ADAMTSL1: variants seen among roughly 807,000 people sequenced by gnomAD.
ADAMTSL1 encodes ADAMTS like 1.
In ADAMTSL1, 126 loss-of-function variants were observed where a neutral mutation model predicts 201.8. The observed-to-expected ratio is 0.62, with a 90% confidence interval of 0.54 to 0.72. ADAMTSL1 has a LOEUF of 0.72. Ranked by LOEUF, ADAMTSL1 falls within the 30% of genes least tolerant of loss-of-function variation. The pLI, the probability that ADAMTSL1 is intolerant of heterozygous loss-of-function variation, is 0.00. For synonymous variants in ADAMTSL1, 1,121 were observed against 903.4 expected (o/e 1.24, Z -4.32); for missense variants, 2,679 against 2,277.8 (o/e 1.18, Z -3.59).
chr9:18,879,095 T>C (rs1273810355), intron 23 of ADAMTSL1, among the ~76,000 whole-genome samples: 2 of 152,200 alleles, frequency 1.3e-5, no homozygotes, highest in East Asian at 3.8e-4. Flanking sequence ...TTTCACTATA[T>C]GTCAACCCAA....
intron 2 of ADAMTSL1, among the ~76,000 whole-genome samples, chr9:18,402,265 A>T (rs988145155): frequency 2.0e-5 from 3 of 152,226 alleles, no homozygotes; most frequent in Admixed American, 1.3e-4. Context: ...TTTAAGCCTG[A>T]CTTGTACTTT....
chr9:18,105,192 G>A (rs1249359581), intron 1 of ADAMTSL1, among the ~76,000 whole-genome samples: 1 of 152,158 alleles, frequency 6.6e-6, no homozygotes, highest in Non-Finnish European at 1.5e-5. Context: ...CAAGCGAACT[G>A]GAATATGTGC....
intron 1 of ADAMTSL1, among the ~76,000 whole-genome samples, chr9:18,160,035 G>C (rs911079780): frequency 6.6e-6 from 1 of 151,886 alleles, no homozygotes; most frequent in Non-Finnish European, 1.5e-5. Context: ...CTAGATGATT[G>C]ATCAATCAGT....
chr9:18,168,488 G>A (rs1336289469), intron 2 of ADAMTSL1, among the ~76,000 whole-genome samples: 1 of 151,898 alleles, frequency 6.6e-6, no homozygotes, highest in Admixed American at 6.6e-5. Context: ...GTATTCCATG[G>A]TATATATGTG....
At chr9:17,931,052 C>A (rs1479231263) in intron 1 of ADAMTSL1, among the ~76,000 whole-genome samples, 1 of 152,162 alleles carries the variant, frequency 6.6e-6, no homozygotes, top group Non-Finnish European at 1.5e-5. Flanking sequence ...AAAACCAGTT[C>A]TCCATCTCAT....
chr9:17,940,808 C>CA (rs1271293535), intron 1 of ADAMTSL1, among the ~76,000 whole-genome samples: 1 of 63,928 alleles, frequency 1.6e-5, no homozygotes, highest in Admixed American at 1.8e-4. Flanking sequence ...TAACACCCCC[C>CA]CCCCAAAAAA....
chr9:18,554,830 C>T (rs1587546487), intron 3 of ADAMTSL1, among the ~76,000 whole-genome samples: 3 of 151,786 alleles, frequency 2.0e-5, no homozygotes, highest in African/African-American at 7.2e-5. Context: ...TGTCCTGTCC[C>T]AGAGTGGTAC....
At chr9:18,795,138 G>T (rs1250669108) in intron 19 of ADAMTSL1, among the ~76,000 whole-genome samples, 1 of 152,182 alleles carries the variant, frequency 6.6e-6, no homozygotes, top group Non-Finnish European at 1.5e-5. Context: ...GTCTGGTCCA[G>T]CTGGTAGCAT....
At chr9:18,566,306 C>T (rs768399632) in intron 3 of ADAMTSL1, among the ~76,000 whole-genome samples, 12 of 152,144 alleles carry the variant, frequency 7.9e-5, no homozygotes, top group African/African-American at 1.9e-4. Flanking sequence ...AACAAATATT[C>T]GAGTACCTGG....
chr9:18,106,492 T>C (rs1824768120), intron 1 of ADAMTSL1, among the ~76,000 whole-genome samples: 1 of 152,160 alleles, frequency 6.6e-6, no homozygotes, highest in African/African-American at 2.4e-5. Context: ...ACATTTATTG[T>C]GTTAAGGAAA....
At chr9:18,890,385 TCA>T (rs1176516525) in intron 25 of ADAMTSL1, among the ~76,000 whole-genome samples, 1 of 152,170 alleles carries the variant, frequency 6.6e-6, no homozygotes, top group African/African-American at 2.4e-5. Flanking sequence ...CCTGTGCACC[TCA>T]TCCTCTGTCC....
chr9:18,416,279 G>A (rs540206411), intron 2 of ADAMTSL1, among the ~76,000 whole-genome samples: 57 of 151,912 alleles, frequency 3.8e-4, no homozygotes, highest in Non-Finnish European at 7.1e-4. Context: ...ACTTGAAAAC[G>A]GACTATGGTA....
chr9:18,673,734 G>C (rs561746969), intron 9 of ADAMTSL1, among the ~76,000 whole-genome samples: 3 of 152,232 alleles, frequency 2.0e-5, no homozygotes, highest in South Asian at 4.1e-4. Context: ...TTTTTCAGGA[G>C]AGAAGGCAAT....
At chr9:18,476,293 T>C (rs915543833) in intron 1 of ADAMTSL1, among the ~76,000 whole-genome samples, 1 of 152,066 alleles carries the variant, frequency 6.6e-6, no homozygotes, top group African/African-American at 2.4e-5. Flanking sequence ...TTTAAACCCG[T>C]TTTTTCAGGC....
At chr9:18,037,625 G>A (rs1821256880) in intron 1 of ADAMTSL1, among the ~76,000 whole-genome samples, 1 of 152,090 alleles carries the variant, frequency 6.6e-6, no homozygotes, top group Non-Finnish European at 1.5e-5. Flanking sequence ...TTCTAAAGAT[G>A]TTTTTTGTAT....
intron 5 of ADAMTSL1, among the ~76,000 whole-genome samples, chr9:18,626,180 G>A (rs1826348583): frequency 6.6e-6 from 1 of 152,166 alleles, no homozygotes; most frequent in African/African-American, 2.4e-5. Flanking sequence ...ATATGCTGAG[G>A]AACTGTTCTA....
rs148887556 is a variant in ADAMTSL1, at chr9:18,526,515, C to T, written c.192-6732C>T. On this transcript the variant is annotated intron_variant, in intron 2 of 28. Transcript: ENST00000380548. Reference sequence around the variant, plus strand: ...GCTGGTTATTTTGCTCATTAGTTGACGCAGTTTCTTCCCAGCATCAATGGT... The same window carrying T: ...GCTGGTTATTTTGCTCATTAGTTGATGCAGTTTCTTCCCAGCATCAATGGT... Among the ~76,000 whole-genome samples the T allele has an allele frequency of 6.4e-4, 98 of 152,252 alleles. No individual in the cohort carries two copies. The East Asian group carries it at 0.012, about 18-fold the overall frequency.
intron 2 of ADAMTSL1, among the ~76,000 whole-genome samples, chr9:18,428,446 AAAAAG>A (rs1819330115): frequency 2.7e-5 from 4 of 150,822 alleles, no homozygotes; most frequent in Admixed American, 2.0e-4. Flanking sequence ...AAAAAAAAAA[AAAAAG>A]AAAAGAAAAG....
intron 4 of ADAMTSL1, among the ~76,000 whole-genome samples, chr9:18,601,076 T>C (rs998783543): frequency 1.5e-4 from 23 of 152,172 alleles, no homozygotes; most frequent in Admixed American, 8.5e-4. Context: ...GTTTTCTCTA[T>C]CTCCTTTTGA....
Sources: allele counts gnomAD v4.1 joint callset (sites outside exome capture counted in the v4.1 genomes callset), GRCh38; gene constraint gnomAD v4.1.1; transcripts MANE v1.5; gene names NCBI Gene and HGNC (gene_info 2026-07-23, HGNC 2026-07-21).